RBFOX1: variants seen among roughly 807,000 people sequenced by gnomAD.
The protein encoded by RBFOX1 is RNA binding fox-1 homolog 1.
In RBFOX1, 8 loss-of-function variants were observed where a neutral mutation model predicts 57.7. The observed-to-expected ratio is 0.14, with a 90% CI of 0.08 to 0.25. The LOEUF is 0.25. RBFOX1 is among the 10% of genes least tolerant of loss of function. The pLI, the probability that RBFOX1 is intolerant of heterozygous loss-of-function variation, is 1.00. For synonymous variants in RBFOX1, 326 were observed against 222.4 expected (o/e 1.47, Z -4.15); for missense variants, 611 against 548.5 (o/e 1.11, Z -1.14).
chr16:5,781,843 C>T (rs2054333232), intron 3 of RBFOX1, among the ~76,000 whole-genome samples: 1 of 152,158 alleles, frequency 6.6e-6, no homozygotes, highest in Non-Finnish European at 1.5e-5. Context: ...ATGGTGGATT[C>T]CTCATGAAGA....
chr16:6,921,634 T>C (rs1409853607), intron 3 of RBFOX1, among the ~76,000 whole-genome samples: 2 of 61,404 alleles, frequency 3.3e-5, no homozygotes, highest in African/African-American at 6.8e-5. Flanking sequence ...TGTATATATA[T>C]ATATATATAT....
At chr16:5,498,734 T>C (rs771815922) in intron 2 of RBFOX1, among the ~76,000 whole-genome samples, 23 of 152,228 alleles carry the variant, frequency 1.5e-4, no homozygotes, top group Admixed American at 4.6e-4. Context: ...AATTATCTGA[T>C]AGGCAGTTGC....
intron 1 of RBFOX1, among the ~76,000 whole-genome samples, chr16:6,314,770 C>T (rs769493182): frequency 6.6e-6 from 1 of 152,166 alleles, no homozygotes; most frequent in East Asian, 1.9e-4. Flanking sequence ...ACTAGGGATT[C>T]AGTGAAACTA....
At chr16:5,472,983 G>T (rs2151625223) in intron 2 of RBFOX1, among the ~76,000 whole-genome samples, 1 of 152,244 alleles carries the variant, frequency 6.6e-6, no homozygotes, top group South Asian at 2.1e-4. Context: ...GTCTGACACT[G>T]ACACCAGCTG....
chr16:6,534,043 A>C (rs1210294467), intron 2 of RBFOX1, among the ~76,000 whole-genome samples: 1 of 152,170 alleles, frequency 6.6e-6, no homozygotes, highest in Non-Finnish European at 1.5e-5. Context: ...CTCTGGACTT[A>C]AATATTTTAT....
At chr16:6,545,114 T>A (rs957107110) in intron 2 of RBFOX1, among the ~76,000 whole-genome samples, 2 of 152,174 alleles carry the variant, frequency 1.3e-5, no homozygotes, top group East Asian at 3.9e-4. Context: ...CCAAATGATA[T>A]CTAAAAATCC....
At chr16:6,047,554 G>A (rs1338075086) in intron 1 of RBFOX1, among the ~76,000 whole-genome samples, 3 of 152,220 alleles carry the variant, frequency 2.0e-5, no homozygotes, top group African/African-American at 7.2e-5. Context: ...CAAGGGCAGA[G>A]CCAGCAGGGA....
At chr16:7,034,653 A>C (rs541051128) in intron 3 of RBFOX1, among the ~76,000 whole-genome samples, 29 of 151,816 alleles carry the variant, frequency 1.9e-4, no homozygotes, top group African/African-American at 6.8e-4. Flanking sequence ...TGAGGCTAGC[A>C]GAGGGCCCTC....
chr16:6,647,072 A>T (rs1484497914), intron 2 of RBFOX1, among the ~76,000 whole-genome samples: 4 of 152,092 alleles, frequency 2.6e-5, no homozygotes, highest in Non-Finnish European at 5.9e-5. Context: ...ATTCAAGATC[A>T]AGGTGCCAGC....
intron 4 of RBFOX1, among the ~76,000 whole-genome samples, chr16:7,108,213 C>T (rs1320856060): frequency 1.3e-5 from 2 of 152,156 alleles, no homozygotes; most frequent in East Asian, 3.9e-4. Context: ...TCATCATGAG[C>T]ATCAGCTCTG....
intron 1 of RBFOX1, among the ~76,000 whole-genome samples, chr16:6,056,376 T>C (rs2095614730): frequency 6.6e-6 from 1 of 152,174 alleles, no homozygotes; most frequent in Non-Finnish European, 1.5e-5. Context: ...GTAATACCTG[T>C]TTTCCTTTCT....
chr16:7,408,726 G>C (rs571946220), intron 4 of RBFOX1, among the ~76,000 whole-genome samples: 1 of 152,258 alleles, frequency 6.6e-6, no homozygotes, highest in African/African-American at 2.4e-5. Context: ...ATGCATTGTA[G>C]GATATTGAAC....
chr16:7,567,357 A>C (rs1373970720), intron 5 of RBFOX1, among the ~76,000 whole-genome samples: 1 of 93,466 alleles, frequency 1.1e-5, no homozygotes, highest in African/African-American at 4.1e-5. Flanking sequence ...ATATCCCTAT[A>C]TATGGCCCTA....
intron 10 of RBFOX1, among the ~76,000 whole-genome samples, chr16:7,621,342 C>T (rs752438771): frequency 1.3e-5 from 2 of 151,990 alleles, no homozygotes; most frequent in Non-Finnish European, 2.9e-5. Flanking sequence ...TTCATTGCAA[C>T]CTCTGCCTCG....
At chr16:5,903,002 C>T (rs758174793) in intron 4 of RBFOX1, among the ~76,000 whole-genome samples, 2 of 152,112 alleles carry the variant, frequency 1.3e-5, no homozygotes, top group South Asian at 2.1e-4. Context: ...CCTCAACAAA[C>T]GTGTGCACCC....
intron 4 of RBFOX1, among the ~76,000 whole-genome samples, chr16:7,448,511 G>T (rs76234747): frequency 0.029 from 4,467 of 152,228 alleles, 225 homozygotes; most frequent in African/African-American, 0.1. Context: ...AAGACTAACT[G>T]ACTATGGTGA....
chr16:7,363,819 C>G (rs944561487), intron 4 of RBFOX1, among the ~76,000 whole-genome samples: 1 of 152,034 alleles, frequency 6.6e-6, no homozygotes, highest in Non-Finnish European at 1.5e-5. Context: ...CAGAATCTCC[C>G]GTCAGTCTTC....
intron 1 of RBFOX1, among the ~76,000 whole-genome samples, chr16:5,388,838 A>G (rs1057146188): frequency 1.3e-5 from 2 of 151,322 alleles, no homozygotes; most frequent in Non-Finnish European, 3.0e-5. Flanking sequence ...CAGCCTCCCA[A>G]AGTGCTGGGA....
intron 4 of RBFOX1, among the ~76,000 whole-genome samples, chr16:7,270,927 A>G (rs1170700286): frequency 1.3e-5 from 2 of 152,142 alleles, no homozygotes; most frequent in African/African-American, 4.8e-5. Flanking sequence ...ATGGTTAGGA[A>G]TGGAGACTTA....
Sources: gnomAD v4.1 joint callset for allele counts (sites outside exome capture counted in the v4.1 genomes callset) on GRCh38, gnomAD v4.1.1 for gene constraint, MANE v1.5 for transcripts, NCBI Gene and HGNC (gene_info 2026-07-23, HGNC 2026-07-21) for gene names.